Variants in LOC400499 observed in about 807,000 individuals in gnomAD.
At chr16:11,522,290 A>T in the LOC400499 span, among the ~76,000 whole-genome samples, 2 of 152,176 alleles carry the variant, frequency 1.3e-5, no homozygotes. Flanking sequence ...GTGAAAAAGA[A>T]AATAAAGATA....
the LOC400499 span, among the ~76,000 whole-genome samples, chr16:11,427,231 C>T: frequency 6.6e-6 from 1 of 151,474 alleles, no homozygotes; most frequent in Admixed American, 6.6e-5. Flanking sequence ...GACATGGTGG[C>T]GCTTGCCTGT....
chr16:11,391,629 T>G, the LOC400499 span: 1 of 1,231,700 alleles, frequency 8.1e-7, no homozygotes, highest in Admixed American at 4.2e-5. Flanking sequence ...GACATTGATT[T>G]CCGCACAGGA....
chr16:11,460,146 C>G, the LOC400499 span: 1 of 1,141,938 alleles, frequency 8.8e-7, no homozygotes, highest in Non-Finnish European at 1.1e-6. Context: ...GGGATATCAG[C>G]CTGGTTTTCA....
At chr16:11,506,979 G>A in the LOC400499 span, among the ~76,000 whole-genome samples, 1 of 152,178 alleles carries the variant, frequency 6.6e-6, no homozygotes, top group Admixed American at 6.6e-5. Flanking sequence ...GACCTCCACG[G>A]TGGCAGTAAC....
the LOC400499 span, among the ~76,000 whole-genome samples, chr16:11,480,594 C>G: frequency 3.3e-5 from 5 of 152,154 alleles, no homozygotes; most frequent in Non-Finnish European, 7.3e-5. Flanking sequence ...GAATGGTGAG[C>G]TTCTAGTAAG....
At chr16:11,487,391 G>T in the LOC400499 span, 1 of 399,044 alleles carries the variant, frequency 2.5e-6, no homozygotes, top group East Asian at 3.6e-5. Context: ...CAGACACTAG[G>T]AGTAAGACAA....
At chr16:11,413,329 G>A in the LOC400499 span, among the ~76,000 whole-genome samples, 3 of 152,194 alleles carry the variant, frequency 2.0e-5, no homozygotes, top group South Asian at 6.2e-4. Context: ...CTTTGCAGGA[G>A]GGGTGACATC....
the LOC400499 span, among the ~76,000 whole-genome samples, chr16:11,464,964 T>C: frequency 3.2e-4 from 49 of 152,294 alleles, no homozygotes; most frequent in South Asian, 8.3e-3. Flanking sequence ...TCCCCTGACA[T>C]AGGTCTTCCC....
chr16:11,419,675 T>C, the LOC400499 span, among the ~76,000 whole-genome samples: 1 of 151,990 alleles, frequency 6.6e-6, no homozygotes, highest in Non-Finnish European at 1.5e-5. Flanking sequence ...ACCTCCAAAA[T>C]GGGAGAAAAT....
the LOC400499 span, among the ~76,000 whole-genome samples, chr16:11,513,300 C>T: frequency 4.0e-5 from 6 of 149,474 alleles, no homozygotes; most frequent in Non-Finnish European, 5.9e-5. Flanking sequence ...AGTTACCTGG[C>T]GGGCTGAGGT....
At chr16:11,469,498 T>C in the LOC400499 span, 1 of 399,092 alleles carries the variant, frequency 2.5e-6, no homozygotes, top group Non-Finnish European at 4.4e-6. Context: ...GGGAGGGACG[T>C]TGACATTACC....
chr16:11,410,559 G>T, the LOC400499 span, among the ~76,000 whole-genome samples: 1 of 152,236 alleles, frequency 6.6e-6, no homozygotes, highest in African/African-American at 2.4e-5. Flanking sequence ...ATGCGGCAGG[G>T]GACCCAGCAC....
At chr16:11,468,100 A>C in the LOC400499 span, among the ~76,000 whole-genome samples, 8 of 147,562 alleles carry the variant, frequency 5.4e-5, no homozygotes, top group South Asian at 8.6e-4. Context: ...GAAAAAAAAA[A>C]CAAAAAACAA....
chr16:11,399,100 G>T, the LOC400499 span: 4 of 521,066 alleles, frequency 7.7e-6, no homozygotes, highest in Non-Finnish European at 7.4e-6. Context: ...ACAGTGCTCG[G>T]CCCCATGAGG....
the LOC400499 span, among the ~76,000 whole-genome samples, chr16:11,505,745 G>A: frequency 4.6e-5 from 7 of 151,830 alleles, no homozygotes; most frequent in Admixed American, 1.3e-4. Context: ...CACTGTGCCC[G>A]GCCTGTTTAC....
the LOC400499 span, chr16:11,384,174 G>C: frequency 1.6e-6 from 2 of 1,219,328 alleles, no homozygotes; most frequent in Non-Finnish European, 2.0e-6. Flanking sequence ...CAGCCCTCAA[G>C]AACCTCAGCT....
the LOC400499 span, among the ~76,000 whole-genome samples, chr16:11,483,942 C>T: frequency 7.1e-6 from 1 of 140,908 alleles, no homozygotes; most frequent in Non-Finnish European, 1.5e-5. Context: ...TCTATGGTGA[C>T]AGAAAGCCTC....
At chr16:11,383,710 T>G in the LOC400499 span, 72 of 1,232,376 alleles carry the variant, frequency 5.8e-5, no homozygotes, top group African/African-American at 9.8e-4. Context: ...GGCCGCCAGG[T>G]TGCAGGCAGG....
At chr16:11,491,804 ATCC>A in the LOC400499 span, 2 of 398,832 alleles carry the variant, frequency 5.0e-6, no homozygotes, top group South Asian at 2.5e-4. Flanking sequence ...GGATCTCAGC[ATCC>A]TCCTCCAGGG....
Sources: gnomAD v4.1 joint callset for allele counts (sites outside exome capture counted in the v4.1 genomes callset) on GRCh38, gnomAD v4.1.1 for gene constraint, MANE v1.5 for transcripts.